Variants in DACH2 observed in about 807,000 individuals in gnomAD.
DACH2 encodes dachshund family transcription factor 2, also known as dachshund homolog 2.
DACH2 carries 17 observed loss-of-function variants against 35.8 expected under a neutral mutation model. The ratio of observed to expected loss-of-function variants is 0.48; its 90% CI spans 0.33 to 0.71. The LOEUF is 0.71. DACH2 is among the 30% of genes least tolerant of loss of function. The pLI is 0.02. For synonymous variants in DACH2, 195 were observed against 177.3 expected (o/e 1.10, Z -0.79); for missense variants, 469 against 472.7 (o/e 0.99, Z 0.07).
chrX:86,495,217 T>A (rs866708575), intron 2 of DACH2, among the ~76,000 whole-genome samples: 43 of 106,371 alleles, frequency 4.0e-4, no homozygotes, highest in African/African-American at 1.4e-3. Flanking sequence ...CTGGTTATTA[T>A]TTTTTTTTTA....
intron 1 of DACH2, among the ~76,000 whole-genome samples, chrX:86,280,396 C>G (rs768727681): frequency 3.6e-5 from 4 of 111,926 alleles, no homozygotes; most frequent in Non-Finnish European, 7.5e-5. Context: ...TCCAGACAAG[C>G]AAATGCTAAG....
At chrX:86,323,185 T>C (rs755722522) in intron 1 of DACH2, among the ~76,000 whole-genome samples, 4 of 112,214 alleles carry the variant, frequency 3.6e-5, no homozygotes, top group Non-Finnish European at 5.6e-5. Context: ...AAGTCTGACA[T>C]TTGGCAAGCT....
intron 2 of DACH2, among the ~76,000 whole-genome samples, chrX:86,402,187 C>A (rs1837775540): frequency 9.0e-6 from 1 of 111,612 alleles, no homozygotes; most frequent in African/African-American, 3.3e-5. Flanking sequence ...TTAACCAGAA[C>A]AATCAGACAA....
chrX:86,293,018 C>T (rs1392277836), intron 1 of DACH2, among the ~76,000 whole-genome samples: 1 of 99,198 alleles, frequency 1.0e-5, no homozygotes, highest in Non-Finnish European at 2.0e-5. Flanking sequence ...CTAATGTTGA[C>T]AGTGGGGTGT....
At chrX:86,445,155 A>G (rs1033008159) in intron 2 of DACH2, among the ~76,000 whole-genome samples, 1 of 110,152 alleles carries the variant, frequency 9.1e-6, no homozygotes, top group Non-Finnish European at 1.9e-5. Flanking sequence ...GCAATTGTAT[A>G]TTGCTCTTAG....
chrX:86,331,800 T>C (rs967674806), intron 1 of DACH2, among the ~76,000 whole-genome samples: 12 of 111,456 alleles, frequency 1.1e-4, no homozygotes, highest in African/African-American at 3.6e-4. Flanking sequence ...GGGAGGAAGA[T>C]TAGAGACGTG....
At chrX:86,299,658 G>T (rs954541333) in intron 1 of DACH2, among the ~76,000 whole-genome samples, 1 of 111,495 alleles carries the variant, frequency 9.0e-6, no homozygotes, top group African/African-American at 3.3e-5. Context: ...ATTCTGAGAA[G>T]TCTCAGGTTT....
At chrX:86,610,009 G>A (rs2039909203) in intron 3 of DACH2, among the ~76,000 whole-genome samples, 1 of 111,705 alleles carries the variant, frequency 9.0e-6, no homozygotes, top group Non-Finnish European at 1.9e-5. Flanking sequence ...ACAATCAGCA[G>A]TTGGCAAAGT....
At chrX:86,293,223 G>A (rs1482434346) in intron 1 of DACH2, among the ~76,000 whole-genome samples, 3 of 100,127 alleles carry the variant, frequency 3.0e-5, no homozygotes, top group Admixed American at 2.3e-4. Flanking sequence ...TTTAAAGTCT[G>A]TTGTATCAGA....
At chrX:86,679,742 G>T (rs1418780059) in intron 4 of DACH2, among the ~76,000 whole-genome samples, 1 of 107,671 alleles carries the variant, frequency 9.3e-6, no homozygotes, top group Non-Finnish European at 1.9e-5. Context: ...ACATTATTTT[G>T]CTGTAAGTGT....
intron 1 of DACH2, among the ~76,000 whole-genome samples, chrX:86,238,704 A>G (rs2033104970): frequency 9.0e-6 from 1 of 110,690 alleles, no homozygotes. Context: ...AATAGCTTGC[A>G]TCATATAATG....
intron 3 of DACH2, among the ~76,000 whole-genome samples, chrX:86,602,684 T>C (rs575316606): frequency 2.7e-5 from 3 of 112,009 alleles, no homozygotes; most frequent in African/African-American, 9.7e-5. Context: ...CATATCTTAT[T>C]GGGTTAATTT....
At chrX:86,300,549 G>A (rs1268025161) in intron 1 of DACH2, among the ~76,000 whole-genome samples, 1 of 107,623 alleles carries the variant, frequency 9.3e-6, no homozygotes, top group East Asian at 2.9e-4. Flanking sequence ...GGAAGGGAGA[G>A]GGGGGAGGGA....
chrX:86,479,684 G>C (rs2037907279), intron 2 of DACH2, among the ~76,000 whole-genome samples: 3 of 111,637 alleles, frequency 2.7e-5, no homozygotes, highest in African/African-American at 9.8e-5. Context: ...TTTGTCTCCT[G>C]TAACTATGTA....
At chrX:86,454,242 G>A (rs1386733556) in intron 2 of DACH2, among the ~76,000 whole-genome samples, 2 of 111,111 alleles carry the variant, frequency 1.8e-5, no homozygotes, top group Non-Finnish European at 3.8e-5. Flanking sequence ...GAGAATCTGA[G>A]GATTATGTGT....
chrX:86,318,123 A>G (rs767894291), intron 1 of DACH2, among the ~76,000 whole-genome samples: 1 of 112,409 alleles, frequency 8.9e-6, no homozygotes, highest in Non-Finnish European at 1.9e-5. Context: ...ATTCTAGAGG[A>G]ACCAGGCAGA....
chrX:86,702,571 A>C (rs1164033709), intron 5 of DACH2, among the ~76,000 whole-genome samples: 1 of 111,891 alleles, frequency 8.9e-6, no homozygotes, highest in Non-Finnish European at 1.9e-5. Context: ...AAATAAGCTC[A>C]ATTAGAAATA....
At chrX:86,436,716 C>T (rs1325665029) in intron 2 of DACH2, among the ~76,000 whole-genome samples, 1 of 111,123 alleles carries the variant, frequency 9.0e-6, no homozygotes, top group Non-Finnish European at 1.9e-5. Context: ...AGAATTGGAA[C>T]AATTTCTTTC....
At chrX:86,784,482 A>G (rs1419918205) in intron 7 of DACH2, among the ~76,000 whole-genome samples, 1 of 112,116 alleles carries the variant, frequency 8.9e-6, no homozygotes, top group Non-Finnish European at 1.9e-5. Flanking sequence ...AAAATAACAG[A>G]TGCTGGTGAA....
Sources: allele counts gnomAD v4.1 joint callset (sites outside exome capture counted in the v4.1 genomes callset), GRCh38; gene constraint gnomAD v4.1.1; transcripts MANE v1.5; gene names NCBI Gene and HGNC (gene_info 2026-07-23, HGNC 2026-07-21).